The following PALM2AKAP2 variants were observed in gnomAD, a reference collection of about 807,000 sequenced individuals.
The protein encoded by PALM2AKAP2 is PALM2 and AKAP2 fusion, also known as PALM2-AKAP2 fusion protein.
In PALM2AKAP2, 37 loss-of-function variants were observed where a neutral mutation model predicts 71.5. That is an observed-to-expected ratio of 0.52 (90% CI 0.40 to 0.68). The LOEUF (loss-of-function observed/expected upper bound fraction) is 0.68, where lower values mean the gene tolerates loss of function less well. Ranked by LOEUF, PALM2AKAP2 falls within the 30% of genes least tolerant of loss-of-function variation. The pLI is 0.00. For missense variants in PALM2AKAP2, 1,224 were observed against 1,191.8 expected, an observed-to-expected ratio of 1.03 and a Z score of -0.40; for synonymous variants, 468 against 478.8, an observed-to-expected ratio of 0.98 and a Z score of 0.29.
At chr9:109,929,179 T>TTG in intron 5 of PALM2AKAP2, among the ~76,000 whole-genome samples, 1 of 148,804 alleles carries the variant, frequency 6.7e-6, no homozygotes, top group East Asian at 2.1e-4. Flanking sequence ...GTTTTTTTTT[T>TTG]TTTGTTTCTT....
intron 1 of PALM2AKAP2, among the ~76,000 whole-genome samples, chr9:109,831,611 C>G (rs1300316822): frequency 1.3e-5 from 2 of 152,110 alleles, no homozygotes; most frequent in East Asian, 3.9e-4. Context: ...GGACCATGCC[C>G]AAACTAGTGA....
intron 6 of PALM2AKAP2, among the ~76,000 whole-genome samples, chr9:110,015,466 G>A (rs1832963382): frequency 6.6e-6 from 1 of 152,166 alleles, no homozygotes; most frequent in Admixed American, 6.5e-5. Flanking sequence ...CAGGTGTGGT[G>A]GCGGGTGCCT....
chr9:109,714,388 G>T (rs1828286417), intron 1 of PALM2AKAP2, among the ~76,000 whole-genome samples: 1 of 152,104 alleles, frequency 6.6e-6, no homozygotes, highest in South Asian at 2.1e-4. Flanking sequence ...CTCCAAGCCT[G>T]GGCTACTCTG....
At chr9:110,032,051 G>A (rs1258865076) in intron 7 of PALM2AKAP2, among the ~76,000 whole-genome samples, 2 of 134,284 alleles carry the variant, frequency 1.5e-5, no homozygotes, top group Non-Finnish European at 3.1e-5. Context: ...GCAAAGCTTA[G>A]CTTACGGGGA....
intron 3 of PALM2AKAP2, among the ~76,000 whole-genome samples, chr9:109,908,974 A>G (rs1181453021): frequency 6.6e-6 from 1 of 152,224 alleles, no homozygotes; most frequent in Non-Finnish European, 1.5e-5. Flanking sequence ...GAAAGCCCAG[A>G]TGCTTCCTGC....
intron 1 of PALM2AKAP2, among the ~76,000 whole-genome samples, chr9:109,839,424 A>G (rs1169578901): frequency 2.6e-5 from 4 of 152,224 alleles, no homozygotes; most frequent in African/African-American, 4.8e-5. Context: ...CCCACAGCCA[A>G]TATCATACTG....
chr9:109,728,528 G>A (rs1828508178), intron 1 of PALM2AKAP2, among the ~76,000 whole-genome samples: 1 of 152,228 alleles, frequency 6.6e-6, no homozygotes, highest in Non-Finnish European at 1.5e-5. Context: ...CCTGAAGCCA[G>A]CTCTATCCCT....
At chr9:110,094,802 AT>A (rs1834798854) in intron 1 of PALM2AKAP2, among the ~76,000 whole-genome samples, 1 of 152,198 alleles carries the variant, frequency 6.6e-6, no homozygotes, top group African/African-American at 2.4e-5. Context: ...TTATCTTGCC[AT>A]GCCTTTGTCT....
chr9:109,980,700 T>C (rs965965812), intron 6 of PALM2AKAP2, among the ~76,000 whole-genome samples: 29 of 152,358 alleles, frequency 1.9e-4, no homozygotes, highest in African/African-American at 6.5e-4. Flanking sequence ...CCTTGGGTGC[T>C]TCTTACTGCA....
intron 1 of PALM2AKAP2, among the ~76,000 whole-genome samples, chr9:110,097,105 C>T (rs532424759): frequency 9.5e-4 from 142 of 149,406 alleles, no homozygotes; most frequent in Non-Finnish European, 1.6e-3. Flanking sequence ...TGCGGCCTTC[C>T]GCAGTGTTTG....
intron 1 of PALM2AKAP2, among the ~76,000 whole-genome samples, chr9:109,717,617 A>G (rs554424643): frequency 1.3e-4 from 20 of 152,232 alleles, no homozygotes; most frequent in Admixed American, 1.3e-4. Flanking sequence ...CTTCTTTTGA[A>G]AAGCAGAAAC....
chr9:110,023,600 C>T (rs1833117331), intron 7 of PALM2AKAP2, among the ~76,000 whole-genome samples: 1 of 151,942 alleles, frequency 6.6e-6, no homozygotes, highest in African/African-American at 2.4e-5. Context: ...AGGCGTGAGC[C>T]ACAGCACCCA....
intron 1 of PALM2AKAP2, among the ~76,000 whole-genome samples, chr9:109,749,503 G>A (rs1278942616): frequency 6.6e-6 from 1 of 151,364 alleles, no homozygotes; most frequent in Non-Finnish European, 1.5e-5. Flanking sequence ...TTCTGAGGTT[G>A]GCTATATGTG....
chr9:109,780,419 A>G, upstream of PALM2AKAP2: 2 of 1,611,546 alleles, frequency 1.2e-6, no homozygotes, highest in Non-Finnish European at 1.7e-6. Flanking sequence ...GGTGCCCATC[A>G]GTTTCCTTGG....
At chr9:109,922,993 ATAAGTGCTCAGTAAATACTGGTGG>A (rs1385935660) in intron 3 of PALM2AKAP2, among the ~76,000 whole-genome samples, 1 of 152,264 alleles carries the variant, frequency 6.6e-6, no homozygotes, top group Non-Finnish European at 1.5e-5. Flanking sequence ...CTGGCACAGA[ATAAGTGCTCAGTAAATACTGGTGG>A]TAATTATTAT....
At chr9:110,007,726 C>T (rs528213375) in intron 6 of PALM2AKAP2, among the ~76,000 whole-genome samples, 30 of 152,256 alleles carry the variant, frequency 2.0e-4, no homozygotes, top group African/African-American at 6.0e-4. Context: ...ACTGAAAAAT[C>T]AACTCACGAA....
At chr9:109,889,757 A>G (rs1241979418) in intron 3 of PALM2AKAP2, among the ~76,000 whole-genome samples, 1 of 152,224 alleles carries the variant, frequency 6.6e-6, no homozygotes, top group Non-Finnish European at 1.5e-5. Context: ...TGTAGGATCC[A>G]TTATAATCAT....
chr9:109,668,794 C>T (rs1017823686), intron 1 of PALM2AKAP2, among the ~76,000 whole-genome samples: 1 of 152,208 alleles, frequency 6.6e-6, no homozygotes, highest in Non-Finnish European at 1.5e-5. Context: ...TGCTCTCTTT[C>T]CATTGGTGCC....
intron 1 of PALM2AKAP2, among the ~76,000 whole-genome samples, chr9:110,083,158 C>A (rs1287330477): frequency 1.3e-5 from 2 of 152,104 alleles, no homozygotes; most frequent in Non-Finnish European, 2.9e-5. Context: ...AGCAAAAAAA[C>A]AAAAAACAAA....
Sources: allele counts gnomAD v4.1 joint callset (sites outside exome capture counted in the v4.1 genomes callset), GRCh38; gene constraint gnomAD v4.1.1; transcripts MANE v1.5; gene names NCBI Gene and HGNC (gene_info 2026-07-23, HGNC 2026-07-21).